PTN: variants seen among roughly 807,000 people sequenced by gnomAD.
PTN encodes pleiotrophin, also known as heparin affin regulatory protein.
PTN carries 18 observed loss-of-function variants against 24.1 expected under a neutral mutation model. The ratio of observed to expected loss-of-function variants is 0.75; its 90% confidence interval spans 0.52 to 1.11. The LOEUF (loss-of-function observed/expected upper bound fraction) is 1.11. Ranked by LOEUF, PTN falls within the 50% of genes least tolerant of loss-of-function variation. PTN has a pLI of 0.00. For missense variants in PTN, 163 were observed against 198.8 expected (o/e 0.82, Z 1.08); for synonymous variants, 78 against 68.6 (o/e 1.14, Z -0.67).
intron 1 of PTN, among the ~76,000 whole-genome samples, chr7:137,269,404 T>A (rs1477030232): frequency 6.6e-6 from 1 of 152,156 alleles, no homozygotes; most frequent in Non-Finnish European, 1.5e-5. Flanking sequence ...AGTGCACTTG[T>A]GTGGGCTGTT....
intron 1 of PTN, chr7:137,324,637 C>T (rs1810228329): frequency 6.6e-6 from 1 of 151,524 alleles, no homozygotes; most frequent in Non-Finnish European, 1.5e-5. Context: ...AACAAAACGC[C>T]AACTTTAAAA....
At chr7:137,292,610 G>T (rs1382205628) in intron 1 of PTN, among the ~76,000 whole-genome samples, 6 of 152,126 alleles carry the variant, frequency 3.9e-5, no homozygotes, top group Non-Finnish European at 8.8e-5. Context: ...CCAGTCTCAG[G>T]TAAGTCTTTA....
intron 4 of PTN, among the ~76,000 whole-genome samples, chr7:137,246,272 A>G (rs926911854): frequency 2.0e-5 from 3 of 152,204 alleles, no homozygotes; most frequent in Admixed American, 6.5e-5. Context: ...ACAATAACCT[A>G]CAGTATTCAG....
At position 137,227,885 on chromosome 7, in the gene PTN, TTTTC is replaced by T. The variant is rs1808360513; in HGVS notation, c.*131_*134del. 1.6e-6 allele frequency: 2 copies of T among 1,274,066 alleles called. No homozygotes were observed. 78.9% of individuals were successfully genotyped at this position (1,274,066 alleles called of 1,614,324 possible). A position where few individuals can be genotyped will look rare whatever the true frequency, so the allele number is the denominator to read the frequency against. The stretch of plus-strand genomic sequence containing the variant: ...AAAAAACGCTACTACAAAAATTTTC[TTTTC>T]TTTTTGTTTTTGCTTATTGTGTACT... On this transcript the variant is annotated 3_prime_UTR_variant, in exon 5 of 5. Transcript: ENST00000348225.
rs370680952 is a variant in PTN at position 137,291,658 on chromosome 7, C to T, written c.-1-36684G>A. ...ACGGCATCCCAGATGTGGTCAGACA[C>T]TCAGAGTACCCAAGTGAGCCTGAGG... On this transcript the variant is annotated intron_variant, in intron 1 of 4. Coordinates refer to ENST00000348225, the MANE Select transcript of PTN (RefSeq NM_002825.7). Among the ~76,000 whole-genome samples, 14 of 152,230 alleles carry T rather than the reference C, an allele frequency of 9.2e-5. No homozygotes were observed. The East Asian group carries it at 2.3e-3, about 25-fold the overall frequency.
At chr7:137,314,597 CT>C (rs34363631) in intron 1 of PTN, among the ~76,000 whole-genome samples, 87 of 131,818 alleles carry the variant, frequency 6.6e-4, no homozygotes, top group East Asian at 4.7e-3. Context: ...TTACATGATG[CT>C]TTTTTTTTTT....
At position 137,288,416 on chromosome 7, in the gene PTN, C is replaced by G. The variant is rs371525820; in HGVS notation, c.-1-33442G>C. On this transcript the variant is annotated intron_variant, in intron 1 of 4. Coordinates refer to ENST00000348225, the MANE Select transcript of PTN (RefSeq NM_002825.7). ...CCCTCAGTTCTCAGGAGACGTGAAA[C>G]ACACCTTGCCCACCCAGTTTTCTAA... is the stretch of plus-strand genomic sequence containing the variant. 1.8e-4 allele frequency among the ~76,000 whole-genome samples: 28 copies of G among 152,272 alleles called. No homozygotes were observed. The South Asian group carries it at 5.6e-3, about 30-fold the overall frequency.
intron 1 of PTN, among the ~76,000 whole-genome samples, chr7:137,279,937 G>A (rs998105407): frequency 6.6e-6 from 1 of 152,144 alleles, no homozygotes; most frequent in Non-Finnish European, 1.5e-5. Flanking sequence ...AAGAAAATAA[G>A]TTAAATTTTT....
intron 1 of PTN, among the ~76,000 whole-genome samples, chr7:137,270,451 A>C (rs1809255130): frequency 6.6e-6 from 1 of 152,362 alleles, no homozygotes; most frequent in South Asian, 2.1e-4. Context: ...TTTTAGTTTA[A>C]GAAAGTACAG....
At chr7:137,333,856 G>A (rs984667154) in intron 1 of PTN, among the ~76,000 whole-genome samples, 20 of 152,018 alleles carry the variant, frequency 1.3e-4, no homozygotes, top group African/African-American at 3.9e-4. Context: ...ATAGATCAAC[G>A]GAACAGAACA....
intron 4 of PTN, among the ~76,000 whole-genome samples, chr7:137,249,508 G>A (rs1808784730): frequency 6.6e-6 from 1 of 152,114 alleles, no homozygotes; most frequent in Non-Finnish European, 1.5e-5. Flanking sequence ...GTGAAGCCCA[G>A]GTTGAGCATC....
chr7:137,231,458 G>A lies in PTN; in HGVS notation c.452-3383C>T, dbSNP rs141238520. Among the ~76,000 whole-genome samples, 323 of 151,900 alleles carry A rather than the reference G, an allele frequency of 2.1e-3. 3 individuals carry two copies. The highest frequency in any genetic ancestry group is 7.0e-3 in the African/African-American group (292 of 41,486). ...AAGAGCTCTCAGATAAGCAGATTCC[G>A]TGCACAGACACTCTCATTGTGCCTC... On this transcript the variant is annotated intron_variant, in intron 4 of 4. Coordinates refer to ENST00000348225, the MANE Select transcript of PTN (RefSeq NM_002825.7).
At chr7:137,267,877 G>T (rs915461235) in intron 1 of PTN, among the ~76,000 whole-genome samples, 3 of 152,094 alleles carry the variant, frequency 2.0e-5, no homozygotes, top group African/African-American at 7.2e-5. Flanking sequence ...AAAAAACAAA[G>T]TGCCGATACA....
intron 1 of PTN, among the ~76,000 whole-genome samples, chr7:137,342,073 T>C (rs1443520707): frequency 6.6e-6 from 1 of 152,204 alleles, no homozygotes; most frequent in African/African-American, 2.4e-5. Context: ...ACAGCTTTAT[T>C]TTCTGTGTTG....
intron 1 of PTN, among the ~76,000 whole-genome samples, chr7:137,286,112 G>T (rs1220522998): frequency 6.6e-6 from 1 of 152,176 alleles, no homozygotes; most frequent in Non-Finnish European, 1.5e-5. Flanking sequence ...GAGTCATTTA[G>T]GGTGGAGTCA....
chr7:137,299,098 C>T (rs1809764357), intron 1 of PTN, among the ~76,000 whole-genome samples: 1 of 151,956 alleles, frequency 6.6e-6, no homozygotes, highest in African/African-American at 2.4e-5. Flanking sequence ...GCTACGTTTC[C>T]ATGGGCACAT....
Position 137,272,624 on chromosome 7 carries a change from TTTAG to T in PTN, c.-1-17654_-1-17651del, listed in dbSNP as rs537818588. Among the ~76,000 whole-genome samples, 445 of 152,384 alleles carry T rather than the reference TTTAG, an allele frequency of 2.9e-3. 2 individuals carry two copies. Among genetic ancestry groups the T allele is most frequent in the African/African-American group, 0.01 (425 of 41,598 alleles). ...GACATGAGCCATCTAGACCATTATATTTAGTAACTATCATGTCTTTAAATCTCTT... is the reference window on the plus strand; with the variant it reads ...GACATGAGCCATCTAGACCATTATATTAACTATCATGTCTTTAAATCTCTT... On this transcript the variant is annotated intron_variant, in intron 1 of 4. Transcript: ENST00000348225.
At chr7:137,296,445 A>C (rs886266294) in intron 1 of PTN, among the ~76,000 whole-genome samples, 1 of 152,080 alleles carries the variant, frequency 6.6e-6, no homozygotes, top group African/African-American at 2.4e-5. Context: ...GGAACTAGAG[A>C]GAAGGCAGGA....
intron 1 of PTN, among the ~76,000 whole-genome samples, chr7:137,270,635 A>G (rs1809257040): frequency 6.6e-6 from 1 of 152,214 alleles, no homozygotes; most frequent in Non-Finnish European, 1.5e-5. Flanking sequence ...CCTTTGTGGC[A>G]TACATTATTC....
Sources: allele counts gnomAD v4.1 joint callset (sites outside exome capture counted in the v4.1 genomes callset), GRCh38; gene constraint gnomAD v4.1.1; transcripts MANE v1.5; gene names NCBI Gene and HGNC (gene_info 2026-07-23, HGNC 2026-07-21).